The following ETFDH variants were observed in gnomAD, a reference collection of about 807,000 sequenced individuals.
ETFDH encodes electron transfer flavoprotein-ubiquinone oxidoreductase, mitochondrial.
In ETFDH, 61 loss-of-function variants were observed where a neutral mutation model predicts 73.2. The observed-to-expected ratio is 0.83, with a 90% CI of 0.68 to 1.03. The LOEUF (loss-of-function observed/expected upper bound fraction) is 1.03, where lower values mean the gene tolerates loss of function less well. Ranked by LOEUF, ETFDH falls within the 50% of genes least tolerant of loss-of-function variation. ETFDH has a pLI of 0.00. For synonymous variants in ETFDH, 243 were observed against 253.3 expected (o/e 0.96, Z 0.39); for missense variants, 685 against 745.0 (o/e 0.92, Z 0.94).
In ETFDH at chr4:158,697,741, TATATTACCATCAGTGTTATAA is replaced by T. The variant is rs777700011; in HGVS notation, c.972+44_972+64del. The T allele has an allele frequency of 1.3e-5, 20 of 1,541,568 alleles. No homozygotes were observed. In the East Asian group the frequency reaches 4.5e-4, roughly 35 times the overall value. On this transcript the variant is annotated intron_variant, in intron 8 of 12. Transcript: ENST00000511912. ...TTAGGGAAAATTCTGCTGCTAGAGT[TATATTACCATCAGTGTTATAA>T]AATAAGGGTTTTGAATCTGAAGACT...
chr4:158,704,171 C>A (rs1298995017), intron 10 of ETFDH, among the ~76,000 whole-genome samples: 1 of 152,238 alleles, frequency 6.6e-6, no homozygotes. Context: ...GACAGTACTG[C>A]ATTTATATTG....
rs1220749261 is a variant in ETFDH, at chr4:158,685,172, G to A, written c.559G>A (p.Ala187Thr). ...GHLVSWMGEQAEALGVEVYPG... is the reference protein window; with the variant it reads ...GHLVSWMGEQTEALGVEVYPG... Reference sequence around the variant, plus strand: ...TTTAGTGAGCTGGATGGGCGAACAAGCAGAAGCCCTTGGTGTTGAAGTATA... The same window carrying A: ...TTTAGTGAGCTGGATGGGCGAACAAACAGAAGCCCTTGGTGTTGAAGTATA... Residue 187 changes from alanine to threonine, a missense_variant, in exon 5 of 13, where the codon GCA (alanine) becomes ACA (threonine). Coordinates refer to ENST00000511912, the MANE Select transcript of ETFDH (RefSeq NM_004453.4). 1.2e-6 allele frequency: 2 copies of A among 1,612,772 alleles called. No homozygotes were observed. Among genetic ancestry groups the A allele is most frequent in the Non-Finnish European group, 1.7e-6 (2 of 1,178,900 alleles).
intron 7 of ETFDH, among the ~76,000 whole-genome samples, chr4:158,697,352 C>T (rs999062870): frequency 3.3e-5 from 5 of 152,176 alleles, no homozygotes; most frequent in Admixed American, 2.0e-4. Flanking sequence ...ACCTCAGCCT[C>T]CCAAAGTGCT....
intron 1 of ETFDH, among the ~76,000 whole-genome samples, chr4:158,677,494 A>G (rs918219034): frequency 2.0e-5 from 3 of 152,232 alleles, no homozygotes; most frequent in African/African-American, 7.2e-5. Flanking sequence ...CTCCTAGATC[A>G]GGAAAAGGCC....
intron 10 of ETFDH, among the ~76,000 whole-genome samples, chr4:158,703,820 G>A (rs532049469): frequency 1.3e-5 from 2 of 152,358 alleles, no homozygotes; most frequent in African/African-American, 4.8e-5. Context: ...GTGGTAGCCA[G>A]CCACGGTGGC....
At chr4:158,693,124 TA>T (rs1774221669) in intron 6 of ETFDH, among the ~76,000 whole-genome samples, 1 of 152,172 alleles carries the variant, frequency 6.6e-6, no homozygotes, top group African/African-American at 2.4e-5. Flanking sequence ...CCACTGTAGC[TA>T]AGCTTTCTCC....
At chr4:158,704,432 CCCACCTCAT>C (rs1774552736) in intron 10 of ETFDH, among the ~76,000 whole-genome samples, 3 of 152,200 alleles carry the variant, frequency 2.0e-5, no homozygotes, top group Non-Finnish European at 4.4e-5. Flanking sequence ...GCCAAGCACT[CCCACCTCAT>C]GGTCTTTGCT....
At chr4:158,680,349 G>T (rs1013828853) in intron 1 of ETFDH, 118 bp from the exon 2 acceptor site, 11 of 673,004 alleles carry the variant, frequency 1.6e-5, no homozygotes, top group Non-Finnish European at 2.9e-5. Flanking sequence ...GTTCACCTAG[G>T]AAAGATTATA....
intron 2 of ETFDH, among the ~76,000 whole-genome samples, chr4:158,681,303 A>G (rs1457766844): frequency 6.6e-6 from 1 of 152,146 alleles, no homozygotes; most frequent in African/African-American, 2.4e-5. Flanking sequence ...AAAATTTTAA[A>G]AAGAAAGAAA....
Position 158,682,359 on chromosome 4 carries a change from C to G in ETFDH, c.340C>G (p.Leu114Val), listed in dbSNP as rs1255100415. The change falls in exon 3 of 13, where the codon CTC becomes GTC. Residue 114 changes from leucine (L) to valine (V), a missense_variant. Transcript: ENST00000511912. ...EKAAQIGAHT[L>V]SGACLDPGAF... is the part of the protein sequence containing the mutation. ...AGCTGCCCAGATAGGAGCTCATACT[C>G]TCTCAGGGGCTTGCCTTGATCCAGG... The G allele has an allele frequency of 6.2e-7, 1 of 1,614,154 alleles. No individual in the cohort carries two copies.
At chr4:158,689,900 T>G (rs1774119093) in intron 5 of ETFDH, among the ~76,000 whole-genome samples, 1 of 152,038 alleles carries the variant, frequency 6.6e-6, no homozygotes, top group African/African-American at 2.4e-5. Context: ...TGTCTTCAGC[T>G]TCTCCCTGTT....
chr4:158,683,157 A>C (rs1773907961), intron 3 of ETFDH, among the ~76,000 whole-genome samples: 1 of 152,216 alleles, frequency 6.6e-6, no homozygotes, highest in Non-Finnish European at 1.5e-5. Flanking sequence ...GGCTTCCCAT[A>C]ACCTAAGCAG....
chr4:158,672,869 C>T (rs964823978), intron 1 of ETFDH, among the ~76,000 whole-genome samples: 1 of 152,148 alleles, frequency 6.6e-6, no homozygotes, highest in African/African-American at 2.4e-5. Flanking sequence ...AGTTTTTCTC[C>T]CTGGTCCTGA....
chr4:158,682,138 G>T, intron 2 of ETFDH, 57 bp from the exon 3 acceptor site: 2 of 1,609,736 alleles, frequency 1.2e-6, no homozygotes, highest in Non-Finnish European at 1.7e-6. Flanking sequence ...TAACTGTCAT[G>T]TGATTTATCA....
chr4:158,705,169 A>G (rs1475606948), intron 10 of ETFDH, among the ~76,000 whole-genome samples: 1 of 152,164 alleles, frequency 6.6e-6, no homozygotes, highest in Non-Finnish European at 1.5e-5. Context: ...TATTAAGTGC[A>G]TGCACCAAGT....
At chr4:158,702,560 G>A (rs1195819383) in intron 9 of ETFDH, among the ~76,000 whole-genome samples, 1 of 151,928 alleles carries the variant, frequency 6.6e-6, no homozygotes, top group Non-Finnish European at 1.5e-5. Flanking sequence ...ATATGAGTGA[G>A]AACATAGGGT....
chr4:158,676,396 G>A (rs989943727), intron 1 of ETFDH, among the ~76,000 whole-genome samples: 7 of 152,170 alleles, frequency 4.6e-5, no homozygotes, highest in Admixed American at 1.3e-4. Flanking sequence ...CAATAGTGAT[G>A]TTATCCCCAG....
intron 2 of ETFDH, 146 bp from the exon 3 acceptor site, chr4:158,682,049 A>T: frequency 5.9e-6 from 6 of 1,018,144 alleles, no homozygotes; most frequent in Non-Finnish European, 8.9e-6. Context: ...CTAATACAGT[A>T]ATATGCTTAA....
chr4:158,707,907 TG>T (rs1774674278), intron 12 of ETFDH, among the ~76,000 whole-genome samples: 1 of 152,240 alleles, frequency 6.6e-6, no homozygotes, highest in Admixed American at 6.5e-5. Context: ...GTAGAAGTTA[TG>T]GCCAGAGTGT....
Sources: gnomAD v4.1 joint callset for allele counts (sites outside exome capture counted in the v4.1 genomes callset) on GRCh38, gnomAD v4.1.1 for gene constraint, MANE v1.5 for transcripts, NCBI Gene and HGNC (gene_info 2026-07-23, HGNC 2026-07-21) for gene names.